The following HEPH variants were observed in gnomAD, a reference collection of about 807,000 sequenced individuals.
HEPH encodes the protein hephaestin.
Under a neutral mutation model 80.8 loss-of-function variants are expected in HEPH, and 69 were observed. The observed-to-expected ratio is 0.85, with a 90% confidence interval of 0.70 to 1.04. The LOEUF (loss-of-function observed/expected upper bound fraction) is 1.04, where lower values mean the gene tolerates loss of function less well. Among genes scored for constraint, HEPH ranks in the 50% least tolerant of loss-of-function variants. HEPH has a pLI of 0.00. For missense variants in HEPH, 1,115 were observed against 891.3 expected (o/e 1.25, Z -3.20); for synonymous variants, 431 against 322.8 (o/e 1.34, Z -3.60).
intron 15 of HEPH, among the ~76,000 whole-genome samples, chrX:66,253,197 G>A (rs1198842667): frequency 4.5e-5 from 5 of 112,024 alleles, no homozygotes; most frequent in African/African-American, 1.6e-4. Flanking sequence ...TCTGATAAGG[G>A]ACTTGTATCC....
chrX:66,204,825 GA>G (rs1283019760), intron 13 of HEPH, among the ~76,000 whole-genome samples: 1 of 111,761 alleles, frequency 8.9e-6, no homozygotes, highest in Non-Finnish European at 1.9e-5. Flanking sequence ...TTAAAAAAAA[GA>G]AAAAGGAAAA....
intron 4 of HEPH, among the ~76,000 whole-genome samples, chrX:66,186,591 G>T (rs951016800): frequency 1.8e-5 from 2 of 112,255 alleles, no homozygotes; most frequent in Non-Finnish European, 1.9e-5. Flanking sequence ...ACTGGCCTGC[G>T]CCCACTGTCT....
At chrX:66,209,557 G>T (rs1353738225) in intron 15 of HEPH, among the ~76,000 whole-genome samples, 4 of 112,516 alleles carry the variant, frequency 3.6e-5, no homozygotes, top group Admixed American at 9.4e-5. Context: ...CAGATTTAAA[G>T]AATGCAGTGT....
At chrX:66,237,495 CTGT>C (rs1021481835) in intron 15 of HEPH, among the ~76,000 whole-genome samples, 6 of 111,791 alleles carry the variant, frequency 5.4e-5, no homozygotes, top group African/African-American at 1.9e-4. Context: ...TTCTGAGAGA[CTGT>C]TATGATTTCA....
Position 66,208,766 on chromosome X carries a change from A to T in HEPH, c.2563+520A>T, listed in dbSNP as rs769819775. On this transcript the variant is annotated intron_variant, in intron 15 of 20. Transcript: ENST00000343002. ...CAAATACTCATTTTCTCAATCCCCG[A>T]ATAGGCTATGGCTTAGACTTGGCTA... Among the ~76,000 whole-genome samples, 3 of 102,429 alleles carry T rather than the reference A, an allele frequency of 2.9e-5. No homozygotes were observed. The South Asian group carries it at 1.5e-3, about 50-fold the overall frequency. 88.9% of individuals were successfully genotyped at this position (102,429 alleles called of 115,157 possible).
chrX:66,207,731 A>G (rs7053202), intron 14 of HEPH, among the ~76,000 whole-genome samples: 7,519 of 111,481 alleles, frequency 0.067, 608 homozygotes, highest in African/African-American at 0.23. Flanking sequence ...ATGGTACAGA[A>G]GGGACCCACT....
rs1405625834 is a variant in HEPH at position 66,207,480 on chromosome X, C to T, written c.2431+146C>T. 3 of 430,432 alleles carry T rather than the reference C, an allele frequency of 7.0e-6. No homozygotes were observed. In the East Asian group the frequency reaches 1.3e-4, roughly 19 times the overall value. The allele number at this position is 430,432 out of a possible 1,213,427, so 35.5% of individuals were successfully genotyped here. A position where few individuals can be genotyped will look rare whatever the true frequency, so the allele number is the denominator to read the frequency against. The stretch of plus-strand genomic sequence containing the variant: ...ATTATGGAATATTTTATGAAACAAC[C>T]ATGACAATAAACAGTGAAGGGGGAG... On this transcript the variant is annotated intron_variant, in intron 14 of 20. Transcript: ENST00000343002.
chrX:66,197,383 G>A (rs1325539764), intron 9 of HEPH, among the ~76,000 whole-genome samples: 1 of 111,334 alleles, frequency 9.0e-6, no homozygotes, highest in Non-Finnish European at 1.9e-5. Flanking sequence ...GTTTTCAAGT[G>A]AGAGATGTTC....
intron 12 of HEPH, among the ~76,000 whole-genome samples, chrX:66,202,912 C>CATATAT (rs759619010): frequency 0.014 from 1,114 of 81,740 alleles, 24 homozygotes; most frequent in African/African-American, 0.048. Flanking sequence ...TTTATGTGTG[C>CATATAT]ATATATATAT....
chrX:66,188,007 C>A (rs1197099566), intron 4 of HEPH, among the ~76,000 whole-genome samples: 1 of 110,966 alleles, frequency 9.0e-6, no homozygotes, highest in East Asian at 2.8e-4. Flanking sequence ...GTGTGGTCAT[C>A]AGGGTTTTGG....
At chrX:66,251,135 G>C (rs181706789) in intron 15 of HEPH, among the ~76,000 whole-genome samples, 1 of 112,194 alleles carries the variant, frequency 8.9e-6, no homozygotes, top group Non-Finnish European at 1.9e-5. Flanking sequence ...CACCCACTGT[G>C]GCCTCCCAGT....
chrX:66,227,678 G>C (rs1414271742), intron 15 of HEPH, among the ~76,000 whole-genome samples: 1 of 111,634 alleles, frequency 9.0e-6, no homozygotes, highest in African/African-American at 3.3e-5. Flanking sequence ...TTATGTTTTT[G>C]TTTGCTTTGT....
intron 15 of HEPH, among the ~76,000 whole-genome samples, chrX:66,215,633 A>G (rs992941541): frequency 2.7e-5 from 3 of 112,083 alleles, no homozygotes; most frequent in Non-Finnish European, 5.6e-5. Flanking sequence ...GGATAGGAAG[A>G]CTAACTTGCA....
chrX:66,246,900 G>A (rs1026250198), intron 15 of HEPH, among the ~76,000 whole-genome samples: 1 of 111,723 alleles, frequency 9.0e-6, no homozygotes, highest in African/African-American at 3.3e-5. Flanking sequence ...TGCCATATTG[G>A]CCCCTCCCAC....
At chrX:66,241,570 C>T (rs908911485) in intron 15 of HEPH, among the ~76,000 whole-genome samples, 18 of 111,589 alleles carry the variant, frequency 1.6e-4, no homozygotes, top group African/African-American at 5.9e-4. Flanking sequence ...CTATCCTAAA[C>T]ATAAATGCGT....
intron 4 of HEPH, among the ~76,000 whole-genome samples, chrX:66,187,910 T>G (rs2087557468): frequency 8.9e-6 from 1 of 112,392 alleles, no homozygotes; most frequent in African/African-American, 3.2e-5. Flanking sequence ...CTTGCTTCAC[T>G]TTTAAATCTC....
At chrX:66,197,117 A>G (rs1265203510) in intron 9 of HEPH, among the ~76,000 whole-genome samples, 1 of 110,735 alleles carries the variant, frequency 9.0e-6, no homozygotes, top group Non-Finnish European at 1.9e-5. Flanking sequence ...GAAAATTTGA[A>G]AAAGGTCTGT....
rs934130899 is a variant in HEPH at position 66,212,867 on chromosome X, G to A, written c.2563+4621G>A. Among the ~76,000 whole-genome samples the A allele has an allele frequency of 3.6e-5, 4 of 110,424 alleles. No homozygotes were observed. In the Admixed American group the frequency reaches 3.9e-4, roughly 11 times the overall value. The stretch of plus-strand genomic sequence containing the variant: ...ATTTTTAAAAAGTTTTGTGAAGAAT[G>A]ACATTGATATTTTGAGAGGAATTGC... On this transcript the variant is annotated intron_variant, in intron 15 of 20. Transcript: ENST00000343002.
chrX:66,203,074 A>G (rs895302669), intron 12 of HEPH, among the ~76,000 whole-genome samples: 2 of 109,252 alleles, frequency 1.8e-5, no homozygotes, highest in Non-Finnish European at 3.8e-5. Context: ...TGGGACTTAC[A>G]GTGCTAAAAC....
Sources: allele counts gnomAD v4.1 joint callset (sites outside exome capture counted in the v4.1 genomes callset), GRCh38; gene constraint gnomAD v4.1.1; transcripts MANE v1.5; gene names NCBI Gene and HGNC (gene_info 2026-07-23, HGNC 2026-07-21).